LMX1A: variants seen among roughly 807,000 people sequenced by gnomAD.
LMX1A encodes LIM homeobox transcription factor 1 alpha.
In LMX1A, 15 loss-of-function variants were observed where a neutral mutation model predicts 49.1. The observed-to-expected ratio is 0.31, with a 90% CI of 0.20 to 0.47. The LOEUF is 0.47. Among genes scored for constraint, LMX1A ranks in the 20% least tolerant of loss-of-function variants. The pLI is 1.00. For missense variants in LMX1A, 372 were observed against 475.8 expected (o/e 0.78, Z 2.03); for synonymous variants, 167 against 185.7 (o/e 0.90, Z 0.82).
intron 3 of LMX1A, among the ~76,000 whole-genome samples, chr1:165,273,774 A>G (rs1653877502): frequency 6.6e-6 from 1 of 152,226 alleles, no homozygotes; most frequent in Non-Finnish European, 1.5e-5. Flanking sequence ...ACATGAAAAA[A>G]ACTAAGTGAC....
intron 4 of LMX1A, among the ~76,000 whole-genome samples, chr1:165,214,519 G>A (rs1239714406): frequency 6.6e-6 from 1 of 152,212 alleles, no homozygotes; most frequent in Non-Finnish European, 1.5e-5. Context: ...CTTCATTGGG[G>A]TTGCTGTGAG....
chr1:165,305,187 T>G (rs1200792940), intron 3 of LMX1A, among the ~76,000 whole-genome samples: 1 of 152,058 alleles, frequency 6.6e-6, no homozygotes, highest in Non-Finnish European at 1.5e-5. Flanking sequence ...ACATGTGCAG[T>G]TGGACTAGTC....
chr1:165,277,700 G>T (rs1482156748), intron 3 of LMX1A, among the ~76,000 whole-genome samples: 2 of 152,162 alleles, frequency 1.3e-5, no homozygotes, highest in Non-Finnish European at 2.9e-5. Context: ...CTTCTGCTGA[G>T]TGTACTCCAG....
intron 4 of LMX1A, among the ~76,000 whole-genome samples, chr1:165,214,240 A>G (rs1278646886): frequency 6.6e-6 from 1 of 152,062 alleles, no homozygotes; most frequent in Non-Finnish European, 1.5e-5. Flanking sequence ...ATGGCTTAAA[A>G]GTGTGTGGCT....
At chr1:165,352,666 G>A (rs1459514805) in intron 3 of LMX1A, among the ~76,000 whole-genome samples, 1 of 152,226 alleles carries the variant, frequency 6.6e-6, no homozygotes, top group African/African-American at 2.4e-5. Context: ...GGGTAACATG[G>A]GGTGAGAACC....
chr1:165,217,640 C>G (rs887205053), intron 4 of LMX1A, among the ~76,000 whole-genome samples: 8 of 152,200 alleles, frequency 5.3e-5, no homozygotes, highest in African/African-American at 1.9e-4. Flanking sequence ...CCTAACCTGG[C>G]TACAGGAAAA....
chr1:165,275,829 G>C (rs1468744589), intron 3 of LMX1A, among the ~76,000 whole-genome samples: 1 of 146,806 alleles, frequency 6.8e-6, no homozygotes, highest in African/African-American at 2.6e-5. Context: ...AGCTTTTATG[G>C]CGCTGGGGTG....
chr1:165,271,504 T>C (rs749907061), intron 3 of LMX1A, among the ~76,000 whole-genome samples: 1 of 152,336 alleles, frequency 6.6e-6, no homozygotes, highest in African/African-American at 2.4e-5. Flanking sequence ...ACTCATATAG[T>C]TCACCTGGGA....
At chr1:165,240,695 C>G (rs1038527445) in intron 4 of LMX1A, among the ~76,000 whole-genome samples, 4 of 152,156 alleles carry the variant, frequency 2.6e-5, no homozygotes, top group Admixed American at 6.5e-5. Context: ...TAGAGTAACT[C>G]TGGCTCAGCT....
intron 3 of LMX1A, among the ~76,000 whole-genome samples, chr1:165,309,949 A>T (rs1655028853): frequency 6.6e-6 from 1 of 152,180 alleles, no homozygotes; most frequent in Non-Finnish European, 1.5e-5. Context: ...TATTCCCAAC[A>T]ATCTTATGGC....
At position 165,252,731 on chromosome 1, in the gene LMX1A, C is replaced by T. The variant is rs146148090; in HGVS notation, c.264-3091G>A. Reference sequence around the variant, plus strand: ...GCAGATAAAACTCCACACCACTCTCCTCTTTATAAAGCTAGATATGAGCTG... The same window carrying T: ...GCAGATAAAACTCCACACCACTCTCTTCTTTATAAAGCTAGATATGAGCTG... On this transcript the variant is annotated intron_variant, in intron 3 of 8. Coordinates refer to ENST00000342310, the MANE Select transcript of LMX1A (RefSeq NM_177398.4). Among the ~76,000 whole-genome samples the T allele has an allele frequency of 1.9e-3, 287 of 152,302 alleles. 1 individual carries two copies. The highest frequency in any genetic ancestry group is 6.4e-3 in the African/African-American group (268 of 41,574).
intron 6 of LMX1A, 111 bp downstream of exon 6, chr1:165,210,588 C>T (rs1319460697): frequency 1.2e-5 from 8 of 660,918 alleles, no homozygotes; most frequent in African/African-American, 3.6e-5. Flanking sequence ...AAGAGAACTA[C>T]TCTATCCAAT....
rs377210396 is a variant in LMX1A, at chr1:165,206,058, G to T, written c.818-24C>A. 5 of 1,511,576 alleles carry T rather than the reference G, an allele frequency of 3.3e-6. No individual in the cohort carries two copies. In the African/African-American group the frequency reaches 7.1e-5, roughly 21 times the overall value. The allele number at this position is 1,511,576 out of a possible 1,614,324, so 93.6% of individuals were successfully genotyped here. On this transcript the variant is annotated intron_variant, in intron 7 of 8. Coordinates refer to ENST00000342310, the MANE Select transcript of LMX1A (RefSeq NM_177398.4). ...AGCTGTGGAACAAAGAAGAAGCCAG[G>T]TCATTCTCAACGTGCAGCCTGGCAT... is the stretch of plus-strand genomic sequence containing the variant.
intron 6 of LMX1A, among the ~76,000 whole-genome samples, chr1:165,209,834 A>G (rs1651291818): frequency 6.6e-6 from 1 of 152,228 alleles, no homozygotes; most frequent in Admixed American, 6.5e-5. Flanking sequence ...TAGCCAGTTG[A>G]TCCGAAGCAT....
At chr1:165,227,263 C>T (rs1454587333) in intron 4 of LMX1A, among the ~76,000 whole-genome samples, 1 of 152,164 alleles carries the variant, frequency 6.6e-6, no homozygotes, top group Non-Finnish European at 1.5e-5. Flanking sequence ...GCCAACCAGG[C>T]ACAGTGGCTC....
chr1:165,279,701 C>T (rs1309981913), intron 3 of LMX1A, among the ~76,000 whole-genome samples: 1 of 152,124 alleles, frequency 6.6e-6, no homozygotes, highest in East Asian at 1.9e-4. Context: ...CTATTAGTGA[C>T]TCGATAATAA....
intron 4 of LMX1A, among the ~76,000 whole-genome samples, chr1:165,248,502 A>C (rs1652940308): frequency 6.6e-6 from 1 of 152,214 alleles, no homozygotes; most frequent in African/African-American, 2.4e-5. Context: ...TGTTTAATGT[A>C]GTCAGTGTTA....
chr1:165,220,005 A>G (rs191574097), intron 4 of LMX1A, among the ~76,000 whole-genome samples: 1 of 152,258 alleles, frequency 6.6e-6, no homozygotes, highest in East Asian at 1.9e-4. Context: ...TGCCAGGGAG[A>G]AAAGGGGAGA....
chr1:165,273,066 G>C (rs1043338575), intron 3 of LMX1A, among the ~76,000 whole-genome samples: 3 of 152,172 alleles, frequency 2.0e-5, no homozygotes, highest in Non-Finnish European at 4.4e-5. Context: ...ACATGAACGG[G>C]GAGGAGCTCT....
Sources: allele counts gnomAD v4.1 joint callset (sites outside exome capture counted in the v4.1 genomes callset), GRCh38; gene constraint gnomAD v4.1.1; transcripts MANE v1.5; gene names NCBI Gene and HGNC (gene_info 2026-07-23, HGNC 2026-07-21).